CNGA3: variants seen among roughly 807,000 people sequenced by gnomAD.
CNGA3 encodes cyclic nucleotide gated channel subunit alpha 3.
In CNGA3, 42 loss-of-function variants were observed where a neutral mutation model predicts 46.6. The observed-to-expected ratio is 0.90, with a 90% CI of 0.70 to 1.17. The LOEUF (loss-of-function observed/expected upper bound fraction) is 1.17. Ranked by LOEUF, CNGA3 falls within the 50% of genes most tolerant of loss-of-function variation. The pLI is 0.00. For synonymous variants in CNGA3, 394 were observed against 369.4 expected, an observed-to-expected ratio of 1.07 and a Z score of -0.76; for missense variants, 893 against 890.7, an observed-to-expected ratio of 1.00 and a Z score of -0.03.
Position 98,397,236 on chromosome 2 carries a change from C to T in CNGA3, c.2066C>T (p.Thr689Ile). Residue 689 changes from threonine to isoleucine, a missense_variant, in exon 8 of 8, where the codon ACA becomes ATA. Transcript: ENST00000272602. The stretch of plus-strand genomic sequence containing the variant: ...GAAGTTCCCGGGGATGCTACAAAAA[C>T]AGAGGACAAACAACAGTGAAAATGC... ...DGEVPGDATK[T>I]EDKQQ The T allele has an allele frequency of 6.2e-7, 1 of 1,613,850 alleles. No homozygotes were observed. The highest frequency in any genetic ancestry group is 8.5e-7 in the Non-Finnish European group (1 of 1,180,024).
intron 4 of CNGA3, among the ~76,000 whole-genome samples, chr2:98,383,132 C>T (rs1036225655): frequency 1.3e-5 from 2 of 152,170 alleles, no homozygotes; most frequent in African/African-American, 4.8e-5. Flanking sequence ...AGGAGTCAAA[C>T]GGCTGAATCT....
At position 98,397,212 on chromosome 2, in the gene CNGA3, A is replaced by C. The variant is rs1395048061; in HGVS notation, c.2042A>C (p.Glu681Ala). 4 of 1,614,024 alleles carry C rather than the reference A, an allele frequency of 2.5e-6. No homozygotes were observed. The South Asian group carries it at 4.4e-5, about 18-fold the overall frequency. Residue 681 changes from glutamate to alanine, a missense_variant, in exon 8 of 8, where the codon GAA becomes GCA. By Grantham distance (107) the Glu-to-Ala change is moderately radical. This residue lies in a region of CNGA3 where 548 missense variants were observed against 570.8 expected (regional missense o/e 0.96). Transcript: ENST00000272602. ...GGGDKPLADG[E>A]VPGDATKTED... ...GGGGACAAGCCCCTGGCTGATGGGG[A>C]AGTTCCCGGGGATGCTACAAAAACA...
chr2:98,356,468 C>T (rs985822121), intron 1 of CNGA3, among the ~76,000 whole-genome samples: 13 of 152,132 alleles, frequency 8.5e-5, no homozygotes, highest in African/African-American at 2.2e-4. Context: ...ATTGAGATTT[C>T]GGCTTGTTTG....
At chr2:98,388,927 A>T (rs1220369347) in intron 5 of CNGA3, among the ~76,000 whole-genome samples, 3 of 152,216 alleles carry the variant, frequency 2.0e-5, no homozygotes, top group Non-Finnish European at 2.9e-5. Context: ...GTCGCATGGG[A>T]TGGCAGAGGG....
Position 98,397,649 on chromosome 2 carries a change from A to T in CNGA3, c.*394A>T. 1 of 304,008 alleles carries T rather than the reference A, an allele frequency of 3.3e-6. No individual in the cohort carries two copies. Among genetic ancestry groups the T allele is most frequent in the Non-Finnish European group, 6.3e-6 (1 of 159,196 alleles). 18.8% of individuals were successfully genotyped at this position (304,008 alleles called of 1,614,324 possible). On this transcript the variant is annotated 3_prime_UTR_variant, in exon 8 of 8. Coordinates refer to ENST00000272602, the MANE Select transcript of CNGA3 (RefSeq NM_001298.3). ...TATTTAGTCACCTTTCTCCTGTCCA[A>T]CTTCACCACCACCTGATAATGGGTA...
intron 1 of CNGA3, among the ~76,000 whole-genome samples, chr2:98,366,024 C>G (rs1692141217): frequency 6.6e-6 from 1 of 152,164 alleles, no homozygotes; most frequent in Non-Finnish European, 1.5e-5. Flanking sequence ...TCTTTCTCAT[C>G]TTCATGGGTT....
chr2:98,380,501 T>C, intron 4 of CNGA3, 147 bp downstream of exon 4: 1 of 1,055,068 alleles, frequency 9.5e-7, no homozygotes, highest in Non-Finnish European at 1.4e-6. Context: ...TGTTTGCCCT[T>C]GGGGGAGCAC....
intron 1 of CNGA3, among the ~76,000 whole-genome samples, chr2:98,359,346 C>G (rs965043397): frequency 6.6e-6 from 1 of 152,228 alleles, no homozygotes; most frequent in Admixed American, 6.5e-5. Context: ...GCAGAAGGCC[C>G]TAGAATCTGC....
intron 4 of CNGA3, among the ~76,000 whole-genome samples, chr2:98,380,749 T>C (rs915486189): frequency 2.0e-5 from 3 of 152,160 alleles, no homozygotes; most frequent in Non-Finnish European, 2.9e-5. Flanking sequence ...AAAAGCAGGG[T>C]CTTTTATAGC....
intron 1 of CNGA3, among the ~76,000 whole-genome samples, chr2:98,361,801 G>C (rs905169856): frequency 8.3e-5 from 12 of 145,146 alleles, no homozygotes; most frequent in African/African-American, 3.1e-4. Context: ...TCCACCTCCC[G>C]AGCTCACACC....
intron 7 of CNGA3, among the ~76,000 whole-genome samples, chr2:98,395,019 G>T (rs967583433): frequency 6.6e-6 from 1 of 152,066 alleles, no homozygotes; most frequent in African/African-American, 2.4e-5. Context: ...CCTGCTGCCT[G>T]CTCTGTCCCC....
At chr2:98,383,300 G>T in intron 4 of CNGA3, 88 bp from the exon 5 acceptor site, 1 of 1,221,682 alleles carries the variant, frequency 8.2e-7, no homozygotes, top group Non-Finnish European at 1.2e-6. Context: ...AGGGATTGGG[G>T]GGTGGGGCAT....
At chr2:98,376,415 G>A (rs1692406842) in intron 2 of CNGA3, among the ~76,000 whole-genome samples, 1 of 152,168 alleles carries the variant, frequency 6.6e-6, no homozygotes, top group Admixed American at 6.5e-5. Flanking sequence ...GAAGGTAGAA[G>A]ACGAAGCTAC....
Position 98,380,365 on chromosome 2 carries a change from GA to G in CNGA3, c.395+15del. The G allele has an allele frequency of 6.2e-7, 1 of 1,612,482 alleles. No homozygotes were observed. Among genetic ancestry groups the G allele is most frequent in the South Asian group, 1.1e-5 (1 of 90,818 alleles). On this transcript the variant is annotated intron_variant, in intron 4 of 7. Transcript: ENST00000272602. ...AGACAGAGGGAGAAGGTAAGGAACG[GA>G]AAAGAAGAAGGGGCCTCTGGTGCCT...
In CNGA3 at chr2:98,396,286, C is replaced by T. The variant is rs201649850; in HGVS notation, c.1116C>T (p.Pro372=). The change falls in exon 8 of 8, where the codon CCC becomes CCT. Residue 372 remains proline, a synonymous_variant. Coordinates refer to ENST00000272602, the MANE Select transcript of CNGA3 (RefSeq NM_001298.3). ...CCACCATTGGTGAGACCCCACCCCCCGTGAAAGATGAGGAGTATCTCTTTG... is the reference window on the plus strand; with the variant it reads ...CCACCATTGGTGAGACCCCACCCCCTGTGAAAGATGAGGAGTATCTCTTTG... ...TLTTIGETPP[P]VKDEEYLFVV... is the part of the protein sequence containing the mutation. 2.8e-4 allele frequency: 444 copies of T among 1,610,782 alleles called. 1 individual carries two copies. The Middle Eastern group carries it at 3.5e-3, about 13-fold the overall frequency.
intron 5 of CNGA3, among the ~76,000 whole-genome samples, chr2:98,389,138 C>T (rs6743554): frequency 0.62 from 94,797 of 152,082 alleles, 29,914 homozygotes; most frequent in African/African-American, 0.65. Flanking sequence ...TCCGCACAAA[C>T]ACAGTGAGGG....
intron 1 of CNGA3, among the ~76,000 whole-genome samples, chr2:98,356,780 G>C (rs1691890243): frequency 6.6e-6 from 1 of 152,232 alleles, no homozygotes; most frequent in Non-Finnish European, 1.5e-5. Flanking sequence ...TAGTCATCAT[G>C]AATGGGGAGC....
chr2:98,395,789 T>C (rs1164583459), intron 7 of CNGA3, 55 bp from the exon 8 acceptor site: 1 of 1,452,838 alleles, frequency 6.9e-7, no homozygotes, highest in Non-Finnish European at 9.7e-7. Flanking sequence ...CTTTGTACTA[T>C]GGTCAAAAAA....
chr2:98,385,458 A>G (rs142430440), intron 5 of CNGA3, among the ~76,000 whole-genome samples: 7 of 152,354 alleles, frequency 4.6e-5, no homozygotes, highest in African/African-American at 1.7e-4. Flanking sequence ...TACACACACA[A>G]AAACTGCACT....
Sources: gnomAD v4.1 joint callset for allele counts (sites outside exome capture counted in the v4.1 genomes callset) on GRCh38, gnomAD v4.1.1 for gene constraint, gnomAD v4.1.1 regional missense constraint, MANE v1.5 for transcripts, NCBI Gene and HGNC (gene_info 2026-07-23, HGNC 2026-07-21) for gene names.